ADAMTSL1: variants seen among roughly 807,000 people sequenced by gnomAD.
ADAMTSL1 encodes the protein ADAMTS like 1.
In ADAMTSL1, 126 loss-of-function variants were observed where a neutral mutation model predicts 201.8. The observed-to-expected ratio is 0.62, with a 90% confidence interval of 0.54 to 0.72. ADAMTSL1 has a LOEUF of 0.72. Among genes scored for constraint, ADAMTSL1 ranks in the 30% least tolerant of loss-of-function variants. The pLI, the probability that ADAMTSL1 is intolerant of heterozygous loss-of-function variation, is 0.00. For synonymous variants in ADAMTSL1, 1,121 were observed against 903.4 expected, an observed-to-expected ratio of 1.24 and a Z score of -4.32; for missense variants, 2,679 against 2,277.8, an observed-to-expected ratio of 1.18 and a Z score of -3.59.
chr9:18,459,339 G>GTT (rs1293402101), intron 2 of ADAMTSL1, among the ~76,000 whole-genome samples: 3 of 152,076 alleles, frequency 2.0e-5, no homozygotes, highest in Admixed American at 2.0e-4. Flanking sequence ...CTTTATTGGT[G>GTT]TTTTATTGGA....
intron 25 of ADAMTSL1, among the ~76,000 whole-genome samples, chr9:18,891,796 A>C (rs1324362919): frequency 6.6e-6 from 1 of 152,228 alleles, no homozygotes; most frequent in Non-Finnish European, 1.5e-5. Context: ...AGGTGACACG[A>C]ATTTGGATCT....
At chr9:17,997,622 T>C (rs997016484) in intron 1 of ADAMTSL1, among the ~76,000 whole-genome samples, 1 of 152,062 alleles carries the variant, frequency 6.6e-6, no homozygotes, top group African/African-American at 2.4e-5. Flanking sequence ...TGCCTCTGTT[T>C]CATTGACCTT....
rs1211414163 is a variant in ADAMTSL1 at position 18,111,266 on chromosome 9, AT to A, written c.88-52594del. On this transcript the variant is annotated intron_variant, in intron 1 of 29. Transcript: ENST00000680146. Reference sequence around the variant, plus strand: ...AAGATTTTATACTGGGGCTGGACACATTGAATTGTAATTTGTTTTAATATAC... The same window carrying A: ...AAGATTTTATACTGGGGCTGGACACATGAATTGTAATTTGTTTTAATATAC... Among the ~76,000 whole-genome samples, 4 of 152,186 alleles carry A rather than the reference AT, an allele frequency of 2.6e-5. No homozygotes were observed. The East Asian group carries it at 7.7e-4, about 29-fold the overall frequency.
intron 2 of ADAMTSL1, among the ~76,000 whole-genome samples, chr9:18,241,698 A>T (rs574681382): frequency 1.3e-5 from 2 of 152,290 alleles, no homozygotes; most frequent in Non-Finnish European, 2.9e-5. Context: ...GTTACAACAG[A>T]TGCCTTAGAA....
At chr9:18,677,181 C>T (rs1016392618) in intron 10 of ADAMTSL1, among the ~76,000 whole-genome samples, 4 of 151,712 alleles carry the variant, frequency 2.6e-5, no homozygotes, top group Admixed American at 6.6e-5. Context: ...TTGACTTATA[C>T]TAGATATACT....
At chr9:17,971,447 C>G (rs188911561) in intron 1 of ADAMTSL1, among the ~76,000 whole-genome samples, 8 of 152,104 alleles carry the variant, frequency 5.3e-5, no homozygotes, top group Non-Finnish European at 1.0e-4. Flanking sequence ...GCTTTTAAAT[C>G]TAGGACACAA....
chr9:18,192,855 T>C (rs936252323), intron 2 of ADAMTSL1, among the ~76,000 whole-genome samples: 1 of 152,178 alleles, frequency 6.6e-6, no homozygotes, highest in African/African-American at 2.4e-5. Context: ...TTATGCAATA[T>C]GCATTTATTG....
chr9:18,404,317 C>G (rs1335943984), intron 2 of ADAMTSL1, among the ~76,000 whole-genome samples: 1 of 152,150 alleles, frequency 6.6e-6, no homozygotes, highest in Admixed American at 6.5e-5. Context: ...TGATGTACTA[C>G]CAAACAATGA....
Position 18,667,214 on chromosome 9 carries a change from CT to C in ADAMTSL1, c.1085+5156del, listed in dbSNP as rs555274457. On this transcript the variant is annotated intron_variant, in intron 9 of 28. Coordinates refer to ENST00000380548, the MANE Select transcript of ADAMTSL1 (RefSeq NM_001040272.6). ...GCAATTCTTGGCAAGTTTAAGTGAA[CT>C]TTTTTTTTTTTTTTGTCCAGCTCCA... Among the ~76,000 whole-genome samples the C allele has an allele frequency of 5.8e-3, 816 of 139,568 alleles. 2 individuals carry two copies. The highest frequency in any genetic ancestry group is 0.016 in the African/African-American group (607 of 37,928). The allele number at this position is 139,568 out of a possible 152,430, so 91.6% of individuals were successfully genotyped here.
In ADAMTSL1 at chr9:18,029,441, A is replaced by G. The variant is rs1586917617; in HGVS notation, c.87+122519A>G. Among the ~76,000 whole-genome samples the G allele has an allele frequency of 3.9e-5, 6 of 152,248 alleles. No homozygotes were observed. In the South Asian group the frequency reaches 1.0e-3, roughly 26 times the overall value. On this transcript the variant is annotated intron_variant, in intron 1 of 29. Transcript: ENST00000680146. ...ACATGTTACACCTAAAACCATAAAA[A>G]CCCTAGAAGAAAACCTAGGCAATAC... is the stretch of plus-strand genomic sequence containing the variant.
At chr9:18,560,513 T>C (rs1010344907) in intron 3 of ADAMTSL1, among the ~76,000 whole-genome samples, 1 of 152,212 alleles carries the variant, frequency 6.6e-6, no homozygotes. Flanking sequence ...ATCAGGATGA[T>C]GCAGGCCTCA....
chr9:18,271,544 A>G (rs1027097155), intron 2 of ADAMTSL1, among the ~76,000 whole-genome samples: 4 of 152,148 alleles, frequency 2.6e-5, no homozygotes, highest in Non-Finnish European at 5.9e-5. Context: ...CATGGTGTAT[A>G]TGTGCCACAT....
chr9:18,578,837 TC>T (rs1391514387), intron 4 of ADAMTSL1, among the ~76,000 whole-genome samples: 2 of 151,260 alleles, frequency 1.3e-5, no homozygotes, highest in African/African-American at 4.9e-5. Context: ...TAGTTTACAG[TC>T]CCACCAACAG....
Position 18,892,408 on chromosome 9 carries a change from T to TC in ADAMTSL1, c.4664dup (p.Ala1556CysfsTer32). ...CCCCAGGTGGATGGTGACCTCCTGG[T>TC]CTGCCTGTACCCGGAGCTGTGGGGG... On this transcript the variant is annotated frameshift_variant, in exon 26 of 29. Coordinates refer to ENST00000380548, the MANE Select transcript of ADAMTSL1 (RefSeq NM_001040272.6). LOFTEE classifies it high-confidence loss of function. 1 of 1,613,262 alleles carries TC rather than the reference T, an allele frequency of 6.2e-7. No homozygotes were observed. The highest frequency in any genetic ancestry group is 8.5e-7 in the Non-Finnish European group (1 of 1,179,736).
chr9:18,184,783 G>T (rs1299216934), intron 2 of ADAMTSL1, among the ~76,000 whole-genome samples: 1 of 152,176 alleles, frequency 6.6e-6, no homozygotes, highest in African/African-American at 2.4e-5. Flanking sequence ...TCTGGCTTGA[G>T]ATTTCATCCG....
chr9:17,945,750 G>A (rs1827439308), intron 1 of ADAMTSL1, among the ~76,000 whole-genome samples: 1 of 147,918 alleles, frequency 6.8e-6, no homozygotes, highest in Admixed American at 6.9e-5. Context: ...CTCACTCATA[G>A]GTGGGAATTG....
At chr9:18,153,866 G>A (rs1298181) in intron 1 of ADAMTSL1, among the ~76,000 whole-genome samples, 1 of 152,056 alleles carries the variant, frequency 6.6e-6, no homozygotes, top group East Asian at 1.9e-4. Flanking sequence ...ATTGAGGAAG[G>A]AGATGTGAAG....
chr9:18,051,092 G>C (rs1225465842), intron 1 of ADAMTSL1, among the ~76,000 whole-genome samples: 2 of 152,160 alleles, frequency 1.3e-5, no homozygotes, highest in East Asian at 3.9e-4. Context: ...ATGAGGTCAG[G>C]AGATGGAGAC....
intron 2 of ADAMTSL1, among the ~76,000 whole-genome samples, chr9:18,240,807 C>T (rs540901365): frequency 6.6e-6 from 1 of 152,316 alleles, no homozygotes; most frequent in Non-Finnish European, 1.5e-5. Context: ...GGATAACTTG[C>T]TGCAGCCCTG....
Sources: allele counts gnomAD v4.1 joint callset (sites outside exome capture counted in the v4.1 genomes callset), GRCh38; gene constraint gnomAD v4.1.1; transcripts MANE v1.5; gene names NCBI Gene and HGNC (gene_info 2026-07-23, HGNC 2026-07-21).